Variants in HIPK3 observed in about 807,000 individuals in gnomAD.
HIPK3 encodes homeodomain-interacting protein kinase 3.
Under a neutral mutation model 124.2 loss-of-function variants are expected in HIPK3, and 47 were observed. The ratio of observed to expected loss-of-function variants is 0.38; its 90% CI spans 0.30 to 0.48. The LOEUF (loss-of-function observed/expected upper bound fraction) is 0.48. Ranked by LOEUF, HIPK3 falls within the 20% of genes least tolerant of loss-of-function variation. The pLI is 0.98. For synonymous variants in HIPK3, 482 were observed against 515.2 expected (o/e 0.94, Z 0.87); for missense variants, 1,286 against 1,454.3 (o/e 0.88, Z 1.88).
chr11:33,257,987 C>T (rs959738865), intron 1 of HIPK3, 98 bp downstream of exon 1: 34 of 930,158 alleles, frequency 3.7e-5, no homozygotes, highest in African/African-American at 5.3e-5. Flanking sequence ...TGACCCGGGC[C>T]TGGCCCGACA....
At chr11:33,285,044 A>T (rs1459038329) in intron 1 of HIPK3, among the ~76,000 whole-genome samples, 2 of 152,232 alleles carry the variant, frequency 1.3e-5, no homozygotes, top group East Asian at 1.9e-4. Flanking sequence ...AAATAAGGTC[A>T]TAGGGGAGAA....
At chr11:33,344,575 A>C (rs933415722) in intron 8 of HIPK3, among the ~76,000 whole-genome samples, 1 of 152,230 alleles carries the variant, frequency 6.6e-6, no homozygotes, top group African/African-American at 2.4e-5. Context: ...CTTTCTGTAC[A>C]TAAAGTAACA....
intron 4 of HIPK3, 134 bp downstream of exon 4, chr11:33,337,328 CTTTAT>C (rs1392273709): frequency 1.7e-5 from 8 of 464,842 alleles, no homozygotes; most frequent in South Asian, 1.5e-4. Context: ...TTTGGCCCTT[CTTTAT>C]TTTATTTTAT....
At chr11:33,294,308 A>G (rs2133914650) in intron 2 of HIPK3, among the ~76,000 whole-genome samples, 1 of 145,592 alleles carries the variant, frequency 6.9e-6, no homozygotes, top group South Asian at 2.2e-4. Flanking sequence ...GTTGTAAAAA[A>G]TAGTACAAAG....
At chr11:33,278,910 G>GGA (rs1250909825) in intron 1 of HIPK3, among the ~76,000 whole-genome samples, 1 of 152,158 alleles carries the variant, frequency 6.6e-6, no homozygotes, top group Admixed American at 6.6e-5. Context: ...TTTTTAAAAA[G>GGA]GAAAAGATTT....
chr11:33,275,263 C>T (rs558546137), intron 1 of HIPK3, among the ~76,000 whole-genome samples: 24 of 152,246 alleles, frequency 1.6e-4, no homozygotes, highest in African/African-American at 5.5e-4. Flanking sequence ...GGGTCTTGAA[C>T]TCCTGACCTC....
intron 2 of HIPK3, among the ~76,000 whole-genome samples, chr11:33,298,852 TTTTG>T (rs916401827): frequency 2.0e-5 from 3 of 152,076 alleles, no homozygotes; most frequent in African/African-American, 4.8e-5. Context: ...AGTTGCTTCT[TTTTG>T]TTTGTTTGTT....
chr11:33,276,563 C>T (rs76267942), intron 1 of HIPK3, among the ~76,000 whole-genome samples: 1,535 of 152,090 alleles, frequency 0.01, 24 homozygotes, highest in African/African-American at 0.035. Context: ...TAGGCTTGTA[C>T]GGACTGAACA....
At chr11:33,273,562 A>G (rs1851196864) in intron 1 of HIPK3, among the ~76,000 whole-genome samples, 1 of 150,724 alleles carries the variant, frequency 6.6e-6, no homozygotes, top group Non-Finnish European at 1.5e-5. Context: ...AATACTTTGC[A>G]AAATTCCTTA....
At chr11:33,291,558 AC>A (rs1055175617) in intron 2 of HIPK3, among the ~76,000 whole-genome samples, 6 of 152,200 alleles carry the variant, frequency 3.9e-5, no homozygotes, top group Non-Finnish European at 5.9e-5. Context: ...AGCCAGAAGT[AC>A]GTGCTAAGGG....
chr11:33,307,133 T>A (rs1415547946), intron 2 of HIPK3, among the ~76,000 whole-genome samples: 3 of 151,858 alleles, frequency 2.0e-5, no homozygotes, highest in Non-Finnish European at 2.9e-5. Context: ...GAAATGGGGT[T>A]TTGCCATGTT....
At chr11:33,280,473 T>G (rs1305621603) in intron 1 of HIPK3, among the ~76,000 whole-genome samples, 5 of 152,200 alleles carry the variant, frequency 3.3e-5, no homozygotes, top group Non-Finnish European at 7.4e-5. Flanking sequence ...AAGTAATTTA[T>G]AGGTCTTTTC....
At chr11:33,265,772 C>CAAAAAAA (rs55837408) in intron 1 of HIPK3, among the ~76,000 whole-genome samples, 24 of 64,754 alleles carry the variant, frequency 3.7e-4, no homozygotes, top group African/African-American at 4.6e-4. Context: ...GACCTTGTCT[C>CAAAAAAA]AAAAAAAAAA....
At chr11:33,272,163 C>G (rs993432843) in intron 1 of HIPK3, among the ~76,000 whole-genome samples, 1 of 151,950 alleles carries the variant, frequency 6.6e-6, no homozygotes, top group African/African-American at 2.4e-5. Flanking sequence ...TTTGGGAGGC[C>G]GAGGCAGGTG....
At chr11:33,339,322 TG>T in intron 5 of HIPK3, 27 bp from the exon 6 acceptor site, 1 of 1,483,732 alleles carries the variant, frequency 6.7e-7, no homozygotes, top group Non-Finnish European at 9.0e-7. Flanking sequence ...TATTTTTACT[TG>T]ATGGCTTGAA....
intron 8 of HIPK3, among the ~76,000 whole-genome samples, chr11:33,344,791 G>A (rs1157714150): frequency 6.6e-6 from 1 of 152,174 alleles, no homozygotes; most frequent in Non-Finnish European, 1.5e-5. Flanking sequence ...CTTCTTAGTA[G>A]AGTGTCTGCC....
At chr11:33,334,382 A>G (rs771955633) in intron 3 of HIPK3, among the ~76,000 whole-genome samples, 1 of 152,112 alleles carries the variant, frequency 6.6e-6, no homozygotes, top group Non-Finnish European at 1.5e-5. Context: ...TGTATGTTGG[A>G]TAAGTAGAAG....
At chr11:33,292,245 A>G (rs1244531899) in intron 2 of HIPK3, among the ~76,000 whole-genome samples, 1 of 152,226 alleles carries the variant, frequency 6.6e-6, no homozygotes, top group East Asian at 1.9e-4. Context: ...GACAGGTTCA[A>G]ATTCACACTG....
Position 33,261,012 on chromosome 11 carries a change from G to A in HIPK3, c.-3+3123G>A, listed in dbSNP as rs555126970. 2.7e-5 allele frequency among the ~76,000 whole-genome samples: 4 copies of A among 150,808 alleles called. No homozygotes were observed. The South Asian group carries it at 8.3e-4, about 31-fold the overall frequency. ...TATTCCCCCCCAACACTTTTCACTGGGATGTAGTATTTCTCTTTTTTAACT... is the reference window on the plus strand; with the variant it reads ...TATTCCCCCCCAACACTTTTCACTGAGATGTAGTATTTCTCTTTTTTAACT... On this transcript the variant is annotated intron_variant, in intron 1 of 16. Transcript: ENST00000303296.
Sources: allele counts gnomAD v4.1 joint callset (sites outside exome capture counted in the v4.1 genomes callset), GRCh38; gene constraint gnomAD v4.1.1; transcripts MANE v1.5; gene names NCBI Gene and HGNC (gene_info 2026-07-23, HGNC 2026-07-21).